The following IL1RL2 variants were observed in gnomAD, a reference collection of about 807,000 sequenced individuals.
The protein encoded by IL1RL2 is interleukin 1 receptor like 2.
IL1RL2 carries 68 observed loss-of-function variants against 66.8 expected under a neutral mutation model. The ratio of observed to expected loss-of-function variants is 1.02; its 90% CI spans 0.84 to 1.25. The LOEUF (loss-of-function observed/expected upper bound fraction) is 1.25, where lower values mean the gene tolerates loss of function less well. Ranked by LOEUF, IL1RL2 falls within the 50% of genes most tolerant of loss-of-function variation. IL1RL2 has a pLI of 0.00. For missense variants in IL1RL2, 729 were observed against 709.3 expected (o/e 1.03, Z -0.32); for synonymous variants, 305 against 264.6 (o/e 1.15, Z -1.48).
At chr2:102,207,496 G>A (rs1032705375) in intron 5 of IL1RL2, among the ~76,000 whole-genome samples, 1 of 152,086 alleles carries the variant, frequency 6.6e-6, no homozygotes, top group African/African-American at 2.4e-5. Context: ...TCAAGGCAGC[G>A]GGTCCCCTTC....
At chr2:102,223,191 G>T (rs1444536215) in intron 8 of IL1RL2, among the ~76,000 whole-genome samples, 2 of 152,146 alleles carry the variant, frequency 1.3e-5, no homozygotes, top group East Asian at 1.9e-4. Flanking sequence ...ACTTAGTTTT[G>T]TTTGTCCTGA....
At chr2:102,194,986 A>T (rs957851782) in intron 4 of IL1RL2, among the ~76,000 whole-genome samples, 1 of 151,774 alleles carries the variant, frequency 6.6e-6, no homozygotes, top group African/African-American at 2.4e-5. Context: ...CACCCACTCA[A>T]CTCTGTTTTG....
downstream of IL1RL2, among the ~76,000 whole-genome samples, chr2:102,240,361 CTTTTT>C (rs551743835): frequency 1.9e-3 from 151 of 79,790 alleles, no homozygotes; most frequent in African/African-American, 5.7e-3. Flanking sequence ...TCTTCTCCTC[CTTTTT>C]TTTTTTTTTT....
At position 102,201,624 on chromosome 2, in the gene IL1RL2, G is replaced by A. The variant is rs752203916; in HGVS notation, c.558G>A (p.Ser186=). 16 of 1,614,076 alleles carry A rather than the reference G, an allele frequency of 9.9e-6. No homozygotes were observed. The highest frequency in any genetic ancestry group is 8.9e-5 in the East Asian group (4 of 44,876). ...LETRLLVSNV[S]AEDRGNYACQ... ...CCAGGCTTTTGGTGAGCAATGTCTC[G>A]GCAGAGGACAGAGGGAACTACGCGT... The change falls in exon 5 of 12, where the codon TCG becomes TCA. Residue 186 remains serine, a synonymous_variant. Coordinates refer to ENST00000264257, the MANE Select transcript of IL1RL2 (RefSeq NM_003854.4).
intron 6 of IL1RL2, 89 bp downstream of exon 6, chr2:102,212,263 T>G: frequency 1.0e-6 from 1 of 970,952 alleles, no homozygotes; most frequent in South Asian, 1.4e-5. Context: ...ATGTTAAGGA[T>G]GAAGATAAAT....
chr2:102,211,919 T>TTA (rs759055541), intron 5 of IL1RL2, among the ~76,000 whole-genome samples, 181 bp from the exon 6 acceptor site: 5 of 79,092 alleles, frequency 6.3e-5, no homozygotes, highest in Non-Finnish European at 1.7e-4. Flanking sequence ...TTCTAGCTTA[T>TTA]TTTTTTTTTC....
At chr2:102,222,959 A>C (rs1056804358) in intron 8 of IL1RL2, among the ~76,000 whole-genome samples, 1 of 152,214 alleles carries the variant, frequency 6.6e-6, no homozygotes, top group South Asian at 2.1e-4. Context: ...TTCCATCCCA[A>C]TACTGACTTG....
intron 9 of IL1RL2, among the ~76,000 whole-genome samples, chr2:102,226,949 C>T (rs939323275): frequency 6.6e-6 from 1 of 152,226 alleles, no homozygotes; most frequent in Non-Finnish European, 1.5e-5. Flanking sequence ...AAATCCCCAA[C>T]ACCACAGCTG....
chr2:102,241,357 C>T (rs1038773111), downstream of IL1RL2, among the ~76,000 whole-genome samples: 2 of 152,118 alleles, frequency 1.3e-5, no homozygotes, highest in African/African-American at 2.4e-5. Context: ...GCCCTGGCGT[C>T]GGGCCCCTGG....
At chr2:102,204,326 A>G (rs1688520780) in intron 5 of IL1RL2, among the ~76,000 whole-genome samples, 1 of 152,136 alleles carries the variant, frequency 6.6e-6, no homozygotes, top group African/African-American at 2.4e-5. Context: ...AGAATGATCC[A>G]TGTGCTAAGG....
At chr2:102,188,512 C>T (rs1164544362) in intron 2 of IL1RL2, among the ~76,000 whole-genome samples, 1 of 138,828 alleles carries the variant, frequency 7.2e-6, no homozygotes, top group Non-Finnish European at 1.5e-5. Context: ...GGCGTGAACT[C>T]GGGAGGCGGA....
At chr2:102,231,961 C>T (rs1559562648) in intron 9 of IL1RL2, among the ~76,000 whole-genome samples, 1 of 152,264 alleles carries the variant, frequency 6.6e-6, no homozygotes, top group East Asian at 1.9e-4. Context: ...ACAGGACACG[C>T]TGAGGGTAAC....
At chr2:102,222,721 G>A (rs1369073385) in intron 8 of IL1RL2, among the ~76,000 whole-genome samples, 3 of 152,160 alleles carry the variant, frequency 2.0e-5, no homozygotes. Context: ...CCCAAGCAGA[G>A]CCTGCTGGCG....
chr2:102,214,406 A>G (rs1449409356), intron 6 of IL1RL2, among the ~76,000 whole-genome samples: 1 of 152,208 alleles, frequency 6.6e-6, no homozygotes, highest in East Asian at 1.9e-4. Context: ...AATAGCATAT[A>G]TTATGTAATC....
chr2:102,233,241 T>C, intron 10 of IL1RL2, 117 bp downstream of exon 10: 1 of 1,019,634 alleles, frequency 9.8e-7, no homozygotes, highest in Non-Finnish European at 1.4e-6. Context: ...CCACAGAGAG[T>C]CTATGACCAG....
At chr2:102,189,388 G>A in intron 3 of IL1RL2, 78 bp downstream of exon 3, 3 of 833,746 alleles carry the variant, frequency 3.6e-6, no homozygotes, top group Non-Finnish European at 5.5e-6. Context: ...AACGAACATA[G>A]AAAACTCTTG....
intron 6 of IL1RL2, among the ~76,000 whole-genome samples, chr2:102,218,732 A>C (rs763384866): frequency 5.9e-5 from 9 of 152,170 alleles, no homozygotes; most frequent in African/African-American, 9.7e-5. Flanking sequence ...TTGGTAATGC[A>C]TGTGTGTCCC....
chr2:102,239,192 G>C lies in IL1RL2; in HGVS notation c.1679G>C (p.Gly560Ala). The C allele has an allele frequency of 6.2e-7, 1 of 1,613,834 alleles. No individual in the cohort carries two copies. The highest frequency in any genetic ancestry group is 8.5e-7 in the Non-Finnish European group (1 of 1,179,796). The change falls in exon 12 of 12, where the codon GGC becomes GCC. Residue 560 changes from glycine to alanine, a missense_variant and splice_region_variant. Physicochemically the swap from Gly to Ala is moderately conservative, Grantham distance 60. Transcript: ENST00000264257. ...GTAAATAGATCTTTCCTGATTTCAG[G>C]CCCAGAACTAGGCTCAAGAAGAAAG... is the stretch of plus-strand genomic sequence containing the variant. ...LQHTPCYRTA[G>A]PELGSRRKKC...
chr2:102,212,586 TA>T (rs1689266402), intron 6 of IL1RL2, among the ~76,000 whole-genome samples: 1 of 152,222 alleles, frequency 6.6e-6, no homozygotes, highest in Non-Finnish European at 1.5e-5. Flanking sequence ...TTATATTCCT[TA>T]ATCTATATGG....
Sources: gnomAD v4.1 joint callset for allele counts (sites outside exome capture counted in the v4.1 genomes callset) on GRCh38, gnomAD v4.1.1 for gene constraint, MANE v1.5 for transcripts, NCBI Gene and HGNC (gene_info 2026-07-23, HGNC 2026-07-21) for gene names.